Variants in SEMA3E observed in about 807,000 individuals in gnomAD.
SEMA3E encodes the protein semaphorin 3E.
Under a neutral mutation model 93.6 loss-of-function variants are expected in SEMA3E, and 49 were observed. The observed-to-expected ratio is 0.52, with a 90% CI of 0.42 to 0.66. SEMA3E has a LOEUF of 0.66. Ranked by LOEUF, SEMA3E falls within the 30% of genes least tolerant of loss-of-function variation. SEMA3E has a pLI of 0.00. For synonymous variants in SEMA3E, 363 were observed against 330.7 expected, an observed-to-expected ratio of 1.10 and a Z score of -1.06; for missense variants, 906 against 964.8, an observed-to-expected ratio of 0.94 and a Z score of 0.81.
At chr7:83,449,519 TA>T (rs1194393430) in intron 4 of SEMA3E, among the ~76,000 whole-genome samples, 14 of 152,158 alleles carry the variant, frequency 9.2e-5, no homozygotes, top group African/African-American at 3.1e-4. Context: ...ATGAAGACAA[TA>T]TTATTAAAAA....
intron 1 of SEMA3E, among the ~76,000 whole-genome samples, chr7:83,579,625 T>A (rs566607612): frequency 6.6e-6 from 1 of 152,256 alleles, no homozygotes; most frequent in South Asian, 2.1e-4. Flanking sequence ...GCTAGGTCAA[T>A]GCAAAATGGC....
At chr7:83,385,215 G>T in intron 16 of SEMA3E, 79 bp downstream of exon 16, 2 of 1,503,976 alleles carry the variant, frequency 1.3e-6, no homozygotes, top group Non-Finnish European at 1.8e-6. Flanking sequence ...TCATTTTTCA[G>T]CATCCAAATA....
rs184868032 is a variant in SEMA3E, at chr7:83,520,417, C to T, written c.116-30143G>A. On this transcript the variant is annotated intron_variant, in intron 1 of 16. Coordinates refer to ENST00000643230, the MANE Select transcript of SEMA3E (RefSeq NM_012431.3). ...TTTCTCCCTTTCTCCATTCCTTTCT[C>T]CGTATAATCTAGCACAAAAGTTAAC... Among the ~76,000 whole-genome samples the T allele has an allele frequency of 9.5e-3, 1,439 of 152,200 alleles. 19 individuals carry two copies. The highest frequency in any genetic ancestry group is 0.013 in the Admixed American group (192 of 15,254).
At chr7:83,386,101 C>T (rs2116917661) in intron 15 of SEMA3E, among the ~76,000 whole-genome samples, 1 of 152,136 alleles carries the variant, frequency 6.6e-6, no homozygotes, top group South Asian at 2.1e-4. Flanking sequence ...ATAACTGGAC[C>T]TCTGGATTTA....
At chr7:83,641,294 T>G in intron 1 of SEMA3E, 1 of 656,358 alleles carries the variant, frequency 1.5e-6, no homozygotes, top group Non-Finnish European at 1.9e-6. Flanking sequence ...GAATGCCTAC[T>G]AAGTGTCAGG....
intron 1 of SEMA3E, among the ~76,000 whole-genome samples, chr7:83,552,857 C>T (rs576957597): frequency 7.2e-5 from 11 of 152,312 alleles, no homozygotes; most frequent in African/African-American, 2.6e-4. Flanking sequence ...ACATGCACTG[C>T]TGAACATAGA....
chr7:83,462,606 C>T (rs1011008263), intron 4 of SEMA3E, among the ~76,000 whole-genome samples: 1 of 152,034 alleles, frequency 6.6e-6, no homozygotes, highest in East Asian at 1.9e-4. Context: ...GCACCCCTTA[C>T]CATCTCATTA....
chr7:83,608,565 TC>T (rs1368353097), intron 1 of SEMA3E, among the ~76,000 whole-genome samples: 1 of 152,156 alleles, frequency 6.6e-6, no homozygotes, highest in Non-Finnish European at 1.5e-5. Flanking sequence ...TGGTGAGCTT[TC>T]AGTTCATCAT....
At chr7:83,614,483 T>C (rs1335127391) in intron 1 of SEMA3E, among the ~76,000 whole-genome samples, 2 of 152,244 alleles carry the variant, frequency 1.3e-5, no homozygotes, top group East Asian at 3.9e-4. Flanking sequence ...TCATGTCTAG[T>C]AGCAAAAATA....
chr7:83,383,427 T>C (rs1276232637), intron 16 of SEMA3E, among the ~76,000 whole-genome samples: 1 of 151,982 alleles, frequency 6.6e-6, no homozygotes, highest in African/African-American at 2.4e-5. Context: ...TTATTCTGCT[T>C]TGTGTATACA....
At position 83,365,180 on chromosome 7, in the gene SEMA3E, C is replaced by T. The variant is rs1794647607; in HGVS notation, c.*2406G>A. On this transcript the variant is annotated 3_prime_UTR_variant, in exon 17 of 17. Transcript: ENST00000643230. ...GTGTGTTGGGAGAGAGAGGGAGAAA[C>T]TGAGAAAATGGTGGGACATGAAACA... The T allele has an allele frequency of 6.6e-6, 1 of 151,754 alleles. No individual in the cohort carries two copies. Among genetic ancestry groups the T allele is most frequent in the Admixed American group, 6.6e-5 (1 of 15,228 alleles). 9.4% of individuals were successfully genotyped at this position (151,754 alleles called of 1,614,324 possible).
chr7:83,625,044 G>A (rs1313253156), intron 1 of SEMA3E, among the ~76,000 whole-genome samples: 1 of 152,112 alleles, frequency 6.6e-6, no homozygotes, highest in Admixed American at 6.5e-5. Flanking sequence ...TAGATGTGTG[G>A]TGTTATTTCT....
At chr7:83,482,627 G>A (rs532221919) in intron 2 of SEMA3E, among the ~76,000 whole-genome samples, 2 of 149,958 alleles carry the variant, frequency 1.3e-5, no homozygotes, top group African/African-American at 4.9e-5. Context: ...CAGATTTACT[G>A]GTGGAAGATG....
chr7:83,547,868 T>G (rs1227066275), intron 1 of SEMA3E, among the ~76,000 whole-genome samples: 1 of 151,998 alleles, frequency 6.6e-6, no homozygotes, highest in Non-Finnish European at 1.5e-5. Context: ...TATGAAAAAG[T>G]TCACCCACTC....
chr7:83,444,054 TTTGTC>T (rs1422866632), intron 4 of SEMA3E, among the ~76,000 whole-genome samples: 49 of 152,120 alleles, frequency 3.2e-4, no homozygotes, highest in Admixed American at 6.6e-4. Context: ...AAAATTAAGT[TTTGTC>T]TTAAGTACAA....
intron 1 of SEMA3E, among the ~76,000 whole-genome samples, chr7:83,633,774 A>G (rs78868226): frequency 6.6e-6 from 1 of 152,120 alleles, no homozygotes; most frequent in African/African-American, 2.4e-5. Flanking sequence ...GAAAAAAAAA[A>G]TAGTCATTGA....
Position 83,367,773 on chromosome 7 carries a change from A to C in SEMA3E, c.2141T>G (p.Leu714Trp). ...QGAKPWYKEF[L>W]QLIGYSNFQR... Reference sequence around the variant, plus strand: ...GAAGTTGCTATAACCGATCAGCTGCAAGAATTCCTTGTACCATGGTTTTGC... The same window carrying C: ...GAAGTTGCTATAACCGATCAGCTGCCAGAATTCCTTGTACCATGGTTTTGC... The change falls in exon 17 of 17, where the codon TTG becomes TGG. Residue 714 changes from leucine to tryptophan, a missense_variant. Coordinates refer to ENST00000643230, the MANE Select transcript of SEMA3E (RefSeq NM_012431.3). The C allele has an allele frequency of 6.2e-7, 1 of 1,614,106 alleles. No individual in the cohort carries two copies. Among genetic ancestry groups the C allele is most frequent in the Non-Finnish European group, 8.5e-7 (1 of 1,180,014 alleles).
rs115539869 is a variant in SEMA3E at position 83,592,883 on chromosome 7, A to T, written c.115+55545T>A. On this transcript the variant is annotated intron_variant, in intron 1 of 16. Coordinates refer to ENST00000643230, the MANE Select transcript of SEMA3E (RefSeq NM_012431.3). ...CATGAATAAAATCAATTAAGCTGAG[A>T]TCTAAAAGGTATTCATTGTAGCAGG... Among the ~76,000 whole-genome samples, 734 of 152,284 alleles carry T rather than the reference A, an allele frequency of 4.8e-3. 6 individuals carry two copies. Among genetic ancestry groups the T allele is most frequent in the African/African-American group, 0.015 (627 of 41,572 alleles).
chr7:83,421,655 C>A (rs529946561), intron 4 of SEMA3E, among the ~76,000 whole-genome samples: 1 of 142,448 alleles, frequency 7.0e-6, no homozygotes, highest in African/African-American at 2.5e-5. Context: ...TCCAGAGTAA[C>A]CTCTGAGAGT....
Sources: allele counts gnomAD v4.1 joint callset (sites outside exome capture counted in the v4.1 genomes callset), GRCh38; gene constraint gnomAD v4.1.1; transcripts MANE v1.5; gene names NCBI Gene and HGNC (gene_info 2026-07-23, HGNC 2026-07-21).